Variants in RBFOX1 observed in about 807,000 individuals in gnomAD.
RBFOX1 encodes the protein RNA binding fox-1 homolog 1, also known as RNA binding protein fox-1 homolog 1.
Under a neutral mutation model 57.7 loss-of-function variants are expected in RBFOX1, and 8 were observed. The observed-to-expected ratio is 0.14, with a 90% CI of 0.08 to 0.25. The LOEUF (loss-of-function observed/expected upper bound fraction) is 0.25, where lower values mean the gene tolerates loss of function less well. Ranked by LOEUF, RBFOX1 falls within the 10% of genes least tolerant of loss-of-function variation. The pLI is 1.00. For missense variants in RBFOX1, 611 were observed against 548.5 expected (o/e 1.11, Z -1.14); for synonymous variants, 326 against 222.4 (o/e 1.47, Z -4.15).
intron 2 of RBFOX1, among the ~76,000 whole-genome samples, chr16:6,451,074 T>A: frequency 6.6e-6 from 1 of 151,282 alleles, no homozygotes; most frequent in Non-Finnish European, 1.5e-5. Flanking sequence ...CCATTGAGTG[T>A]CTCAGTTACC....
intron 3 of RBFOX1, among the ~76,000 whole-genome samples, chr16:6,710,147 C>G (rs944384927): frequency 6.6e-6 from 1 of 152,080 alleles, no homozygotes; most frequent in Non-Finnish European, 1.5e-5. Flanking sequence ...GAGTCCAAAT[C>G]CAAGCCGTGT....
intron 3 of RBFOX1, among the ~76,000 whole-genome samples, chr16:5,621,119 C>T (rs899940480): frequency 4.6e-5 from 7 of 152,156 alleles, no homozygotes; most frequent in Admixed American, 1.3e-4. Flanking sequence ...GGATTACAGG[C>T]GTTGAGCCAA....
At chr16:5,624,587 T>G (rs1408361752) in intron 3 of RBFOX1, among the ~76,000 whole-genome samples, 1 of 152,220 alleles carries the variant, frequency 6.6e-6, no homozygotes, top group Non-Finnish European at 1.5e-5. Context: ...AGGTTCATGT[T>G]CCTCATCCCC....
chr16:6,448,422 G>T (rs1207704207), intron 2 of RBFOX1, among the ~76,000 whole-genome samples: 2 of 152,004 alleles, frequency 1.3e-5, no homozygotes, highest in African/African-American at 4.8e-5. Flanking sequence ...CTCCCAAAGT[G>T]CTGGGATTAC....
intron 2 of RBFOX1, among the ~76,000 whole-genome samples, chr16:5,504,450 C>G (rs1014081333): frequency 6.6e-6 from 1 of 152,368 alleles, no homozygotes. Context: ...GGGCCAATGG[C>G]ATTGACCTTT....
chr16:5,732,373 C>T (rs958368510), intron 3 of RBFOX1, among the ~76,000 whole-genome samples: 1 of 152,202 alleles, frequency 6.6e-6, no homozygotes, highest in Non-Finnish European at 1.5e-5. Context: ...TGAAGATTCT[C>T]AGCCCAGAAG....
chr16:7,314,991 G>A (rs899207719), intron 4 of RBFOX1, among the ~76,000 whole-genome samples: 6 of 151,834 alleles, frequency 4.0e-5, no homozygotes, highest in African/African-American at 9.7e-5. Flanking sequence ...TTTAACCTCC[G>A]CTTTTATTTT....
At chr16:6,060,250 C>A (rs2020270) in intron 1 of RBFOX1, among the ~76,000 whole-genome samples, 1 of 149,590 alleles carries the variant, frequency 6.7e-6, no homozygotes, top group Non-Finnish European at 1.5e-5. Flanking sequence ...CTCAAATTCT[C>A]CTCTTCTTAG....
At chr16:6,101,106 C>A (rs1425944150) in intron 1 of RBFOX1, among the ~76,000 whole-genome samples, 3 of 152,224 alleles carry the variant, frequency 2.0e-5, no homozygotes, top group African/African-American at 7.2e-5. Flanking sequence ...TGTCCATTTT[C>A]TTCCTCTGTA....
At chr16:5,312,412 G>A (rs1255995586) in intron 1 of RBFOX1, among the ~76,000 whole-genome samples, 3 of 152,132 alleles carry the variant, frequency 2.0e-5, no homozygotes, top group Admixed American at 1.3e-4. Flanking sequence ...TCTGCTGCCC[G>A]GGTTCAAGTG....
At chr16:6,565,610 G>T (rs2097253632) in intron 2 of RBFOX1, among the ~76,000 whole-genome samples, 1 of 151,284 alleles carries the variant, frequency 6.6e-6, no homozygotes. Context: ...TGGAACTACA[G>T]GAGCCTGCTA....
At chr16:7,237,792 G>C (rs1359597953) in intron 4 of RBFOX1, among the ~76,000 whole-genome samples, 1 of 152,164 alleles carries the variant, frequency 6.6e-6, no homozygotes, top group Admixed American at 6.5e-5. Flanking sequence ...GATCACTTGA[G>C]GTCAGGGGTT....
At chr16:7,198,346 T>C (rs1206919928) in intron 4 of RBFOX1, among the ~76,000 whole-genome samples, 5 of 152,202 alleles carry the variant, frequency 3.3e-5, no homozygotes, top group Non-Finnish European at 5.9e-5. Context: ...GAAAATGTTT[T>C]GAAACTAGAC....
At chr16:5,853,968 C>G (rs956280202) in intron 3 of RBFOX1, among the ~76,000 whole-genome samples, 2 of 152,204 alleles carry the variant, frequency 1.3e-5, no homozygotes, top group Admixed American at 6.5e-5. Context: ...GTTTTAATTA[C>G]AAACTAATCC....
chr16:5,873,725 G>C (rs1171664074), intron 4 of RBFOX1, among the ~76,000 whole-genome samples: 2 of 152,172 alleles, frequency 1.3e-5, no homozygotes, highest in East Asian at 1.9e-4. Context: ...GTTGTCAATA[G>C]AGCAAAACTG....
chr16:5,711,572 G>A (rs2051489201), intron 3 of RBFOX1, among the ~76,000 whole-genome samples: 1 of 152,204 alleles, frequency 6.6e-6, no homozygotes, highest in African/African-American at 2.4e-5. Context: ...AACAGTGCAG[G>A]CAAAGGCCGT....
intron 3 of RBFOX1, among the ~76,000 whole-genome samples, chr16:6,878,711 G>C (rs1475885528): frequency 6.6e-6 from 1 of 152,146 alleles, no homozygotes; most frequent in African/African-American, 2.4e-5. Context: ...CAGAAATTCA[G>C]CAAGGGCAAG....
chr16:5,723,081 A>G (rs966577177), intron 3 of RBFOX1, among the ~76,000 whole-genome samples: 4 of 152,306 alleles, frequency 2.6e-5, no homozygotes, highest in Admixed American at 6.5e-5. Flanking sequence ...CTAATTCACA[A>G]GTGATGCAGG....
chr16:7,336,023 G>C (rs144413221), intron 4 of RBFOX1, among the ~76,000 whole-genome samples: 1 of 152,192 alleles, frequency 6.6e-6, no homozygotes, highest in Non-Finnish European at 1.5e-5. Flanking sequence ...CCCCTTGATA[G>C]AGATCCCGAT....
Sources: gnomAD v4.1 joint callset for allele counts (sites outside exome capture counted in the v4.1 genomes callset) on GRCh38, gnomAD v4.1.1 for gene constraint, MANE v1.5 for transcripts, NCBI Gene and HGNC (gene_info 2026-07-23, HGNC 2026-07-21) for gene names.